Variants in TBC1D32 observed in about 807,000 individuals in gnomAD.
TBC1D32 encodes TBC1 domain family member 32.
Under a neutral mutation model 170.3 loss-of-function variants are expected in TBC1D32, and 151 were observed. The observed-to-expected ratio is 0.89, with a 90% CI of 0.78 to 1.01. TBC1D32 has a LOEUF of 1.01. TBC1D32 is among the 50% of genes least tolerant of loss of function. TBC1D32 has a pLI of 0.00. For missense variants in TBC1D32, 1,464 were observed against 1,457.1 expected, an observed-to-expected ratio of 1.00 and a Z score of -0.08; for synonymous variants, 498 against 488.0, an observed-to-expected ratio of 1.02 and a Z score of -0.27.
In TBC1D32 at chr6:121,310,843, TA is replaced by T; in HGVS notation, c.499del (p.Tyr167ThrfsTer10). 1 of 1,560,824 alleles carries T rather than the reference TA, an allele frequency of 6.4e-7. No homozygotes were observed. Among genetic ancestry groups the T allele is most frequent in the Non-Finnish European group, 8.8e-7 (1 of 1,135,690 alleles). On this transcript the variant is annotated frameshift_variant, in exon 4 of 32. Transcript: ENST00000398212. LOFTEE classifies it high-confidence loss of function. The part of the protein sequence containing the change: ...SDSDSSLNQS[Y>X]KFCQGKLQLI... ...TTGTAATTTTCCTTGACAAAATTTG[TA>T]ACTCTGTAACACAATTGTCAGGACA... is the stretch of plus-strand genomic sequence containing the variant.
chr6:121,273,947 G>A (rs950609458), intron 15 of TBC1D32, among the ~76,000 whole-genome samples: 4 of 152,084 alleles, frequency 2.6e-5, no homozygotes, highest in Non-Finnish European at 4.4e-5. Context: ...TGGCTGTGCT[G>A]GAGTTTCTCT....
At chr6:121,193,531 T>C (rs1021548050) in intron 22 of TBC1D32, among the ~76,000 whole-genome samples, 3 of 152,176 alleles carry the variant, frequency 2.0e-5, no homozygotes, top group Non-Finnish European at 4.4e-5. Flanking sequence ...CTGAAGTCAT[T>C]CAACTACAAA....
At position 121,126,425 on chromosome 6, in the gene TBC1D32, A is replaced by T; in HGVS notation, c.2936T>A (p.Leu979His). 2 of 1,612,890 alleles carry T rather than the reference A, an allele frequency of 1.2e-6. No individual in the cohort carries two copies. Among genetic ancestry groups the T allele is most frequent in the Non-Finnish European group, 1.7e-6 (2 of 1,179,370 alleles). Residue 979 changes from leucine (L) to histidine (H), a missense_variant, in exon 26 of 32, where the codon CTC becomes CAC. Physicochemically the swap from Leu to His is moderately conservative, Grantham distance 99. Around this residue, in one of 3 missense-constraint regions of TBC1D32, gnomAD observed 1,363 missense variants for 1,338.1 expected, o/e 1.02. Transcript: ENST00000398212. ...IELLEKFVLH[L>H]TESPSECYFP... ...GTAGCATTCAGATGGGCTTTCAGTG[A>T]GATGAAGCACAAATTTTTCAAGTAA... is the stretch of plus-strand genomic sequence containing the variant.
Position 121,204,952 on chromosome 6 carries a change from T to C in TBC1D32, c.2570+123A>G, listed in dbSNP as rs1457110750. The C allele has an allele frequency of 1.5e-5, 8 of 524,444 alleles. No individual in the cohort carries two copies. The Admixed American group carries it at 1.7e-4, about 11-fold the overall frequency. 32.5% of individuals were successfully genotyped at this position (524,444 alleles called of 1,614,324 possible). A position where few individuals can be genotyped will look rare whatever the true frequency, so the allele number is the denominator to read the frequency against. Reference sequence around the variant, plus strand: ...GTTTATAATGTTACAGGAAGACAAATTACCTTTAAGCATGCTTTTAAATAT... The same window carrying C: ...GTTTATAATGTTACAGGAAGACAAACTACCTTTAAGCATGCTTTTAAATAT... On this transcript the variant is annotated intron_variant, in intron 22 of 31. Coordinates refer to ENST00000398212, the MANE Select transcript of TBC1D32 (RefSeq NM_152730.6).
intron 30 of TBC1D32, among the ~76,000 whole-genome samples, chr6:121,104,428 G>T (rs1458013833): frequency 1.3e-5 from 2 of 151,562 alleles, no homozygotes; most frequent in Non-Finnish European, 3.0e-5. Context: ...CTCTCTAATA[G>T]ACTCTACTTA....
intron 31 of TBC1D32, among the ~76,000 whole-genome samples, chr6:121,090,077 C>T (rs559941708): frequency 1.8e-3 from 275 of 152,068 alleles, no homozygotes; most frequent in Non-Finnish European, 3.3e-3. Context: ...GGACTACAGG[C>T]GCCCGCCAAC....
At position 121,318,727 on chromosome 6, in the gene TBC1D32, A is replaced by G. The variant is rs183751816; in HGVS notation, c.318-1055T>C. Among the ~76,000 whole-genome samples the G allele has an allele frequency of 9.1e-3, 1,303 of 143,128 alleles. 10 individuals are homozygous for G. Among genetic ancestry groups the G allele is most frequent in the South Asian group, 0.043 (202 of 4,650 alleles). The allele number at this position is 143,128 out of a possible 152,430, so 93.9% of individuals were successfully genotyped here. On this transcript the variant is annotated intron_variant, in intron 2 of 31. Transcript: ENST00000398212. Reference sequence around the variant, plus strand: ...AAGAAATAAACATATGTTTATGTGTATATATATATATACACATATATATCC... The same window carrying G: ...AAGAAATAAACATATGTTTATGTGTGTATATATATATACACATATATATCC...
chr6:121,102,464 A>G (rs562832013), intron 30 of TBC1D32, among the ~76,000 whole-genome samples: 1 of 152,276 alleles, frequency 6.6e-6, no homozygotes, highest in Admixed American at 6.5e-5. Flanking sequence ...TCTTTGACAA[A>G]CCTGACAAAA....
At chr6:121,124,330 CT>C (rs1321557905) in intron 26 of TBC1D32, among the ~76,000 whole-genome samples, 1 of 151,826 alleles carries the variant, frequency 6.6e-6, no homozygotes, top group East Asian at 1.9e-4. Flanking sequence ...TTATTTTTTA[CT>C]TTTTTTTCCC....
chr6:121,233,138 A>G (rs1391481997), intron 20 of TBC1D32, among the ~76,000 whole-genome samples: 1 of 152,088 alleles, frequency 6.6e-6, no homozygotes, highest in Admixed American at 6.6e-5. Flanking sequence ...CATATGGTCT[A>G]TCTTGGAGGA....
intron 3 of TBC1D32, among the ~76,000 whole-genome samples, chr6:121,314,462 A>T (rs936025977): frequency 2.0e-5 from 3 of 152,208 alleles, no homozygotes; most frequent in Non-Finnish European, 4.4e-5. Context: ...GTACCAAAGG[A>T]TGAGTTTCAA....
intron 3 of TBC1D32, among the ~76,000 whole-genome samples, chr6:121,313,589 C>T (rs1170408156): frequency 6.6e-6 from 1 of 152,138 alleles, no homozygotes; most frequent in Non-Finnish European, 1.5e-5. Flanking sequence ...CTATGTTCAT[C>T]TTTTAAAAAT....
intron 11 of TBC1D32, among the ~76,000 whole-genome samples, chr6:121,294,235 TGATTA>T (rs920193257): frequency 2.0e-5 from 3 of 152,160 alleles, no homozygotes; most frequent in African/African-American, 4.8e-5. Context: ...CATATATGCC[TGATTA>T]GATGACTGAT....
intron 24 of TBC1D32, 22 bp downstream of exon 24, chr6:121,159,988 C>A: frequency 6.9e-7 from 1 of 1,440,418 alleles, no homozygotes; most frequent in South Asian, 1.2e-5. Context: ...AATAATATGG[C>A]ATTTGATGGT....
chr6:121,257,205 G>C (rs1048776634), intron 15 of TBC1D32, among the ~76,000 whole-genome samples: 3 of 152,080 alleles, frequency 2.0e-5, no homozygotes, highest in African/African-American at 7.2e-5. Context: ...ATCAGATCTA[G>C]AGAATTATTT....
chr6:121,150,303 A>T (rs1435317420), intron 24 of TBC1D32, among the ~76,000 whole-genome samples: 1 of 152,294 alleles, frequency 6.6e-6, no homozygotes, highest in Admixed American at 6.5e-5. Flanking sequence ...GTGATGGATT[A>T]TATTTATTGA....
intron 29 of TBC1D32, among the ~76,000 whole-genome samples, chr6:121,106,577 T>TA (rs1266343967): frequency 4.6e-5 from 7 of 152,082 alleles, no homozygotes; most frequent in Non-Finnish European, 7.4e-5. Flanking sequence ...AATGATTCTA[T>TA]AATGTCAAAG....
intron 2 of TBC1D32, among the ~76,000 whole-genome samples, chr6:121,317,902 T>A (rs902696316): frequency 3.9e-5 from 6 of 152,030 alleles, no homozygotes; most frequent in African/African-American, 1.4e-4. Context: ...TTCCTAGGTT[T>A]TTTCATGGTT....
At chr6:121,301,054 G>T (rs998721912) in intron 9 of TBC1D32, among the ~76,000 whole-genome samples, 2 of 150,896 alleles carry the variant, frequency 1.3e-5, no homozygotes, top group African/African-American at 2.5e-5. Context: ...ATGCTGGAGA[G>T]GATGTGGAGA....
Sources: gnomAD v4.1 joint callset for allele counts (sites outside exome capture counted in the v4.1 genomes callset) on GRCh38, gnomAD v4.1.1 for gene constraint, gnomAD v4.1.1 regional missense constraint, MANE v1.5 for transcripts, NCBI Gene and HGNC (gene_info 2026-07-23, HGNC 2026-07-21) for gene names.